ASIC2: variants seen among roughly 807,000 people sequenced by gnomAD.
ASIC2 encodes the protein acid-sensing ion channel 2.
ASIC2 carries 25 observed loss-of-function variants against 57.3 expected under a neutral mutation model. That is an observed-to-expected ratio of 0.44 (90% CI 0.32 to 0.61). The LOEUF (loss-of-function observed/expected upper bound fraction) is 0.61, where lower values mean the gene tolerates loss of function less well. Ranked by LOEUF, ASIC2 falls within the 20% of genes least tolerant of loss-of-function variation. ASIC2 has a pLI of 0.06. For missense variants in ASIC2, 641 were observed against 738.1 expected, an observed-to-expected ratio of 0.87 and a Z score of 1.52; for synonymous variants, 319 against 307.5, an observed-to-expected ratio of 1.04 and a Z score of -0.39.
chr17:33,201,153 A>T (rs1036276564), intron 1 of ASIC2, among the ~76,000 whole-genome samples: 3 of 151,972 alleles, frequency 2.0e-5, no homozygotes, highest in African/African-American at 7.3e-5. Context: ...TGTATGTTTT[A>T]CTTATGTATC....
intron 1 of ASIC2, among the ~76,000 whole-genome samples, chr17:33,249,038 G>C (rs1251538928): frequency 2.6e-5 from 4 of 152,188 alleles, no homozygotes; most frequent in African/African-American, 9.7e-5. Context: ...GTTTAGATGG[G>C]ATGGGAACAG....
At chr17:33,928,672 G>A (rs1915872293) in intron 1 of ASIC2, among the ~76,000 whole-genome samples, 1 of 152,140 alleles carries the variant, frequency 6.6e-6, no homozygotes, top group South Asian at 2.1e-4. Context: ...GTACATGGGG[G>A]TGAGCTGGGC....
At chr17:33,966,786 T>G (rs1884136353) in intron 1 of ASIC2, among the ~76,000 whole-genome samples, 1 of 152,256 alleles carries the variant, frequency 6.6e-6, no homozygotes, top group South Asian at 2.1e-4. Context: ...TTGCTAATTT[T>G]ATACAGAGTT....
intron 1 of ASIC2, among the ~76,000 whole-genome samples, chr17:33,522,149 C>T (rs8064308): frequency 0.82 from 125,306 of 152,174 alleles, 51,668 homozygotes; most frequent in African/African-American, 0.84. Context: ...CTTCCTGTCA[C>T]TGCTGTCCCT....
chr17:33,658,929 G>T (rs1907161496), intron 1 of ASIC2, among the ~76,000 whole-genome samples: 1 of 152,134 alleles, frequency 6.6e-6, no homozygotes, highest in African/African-American at 2.4e-5. Flanking sequence ...CTTGAACCTG[G>T]GAGGCGGAGG....
intron 1 of ASIC2, among the ~76,000 whole-genome samples, chr17:33,602,525 G>A (rs1178286267): frequency 6.6e-6 from 1 of 152,074 alleles, no homozygotes; most frequent in East Asian, 1.9e-4. Context: ...CCAGCTTCTG[G>A]AACCATCAGC....
intron 1 of ASIC2, among the ~76,000 whole-genome samples, chr17:33,837,520 A>G (rs908411239): frequency 1.3e-5 from 2 of 152,160 alleles, no homozygotes; most frequent in African/African-American, 4.8e-5. Context: ...TATCCCATAA[A>G]TGTTCTCCTA....
At chr17:34,003,855 C>G (rs1041469447) in intron 1 of ASIC2, 4 of 152,186 alleles carry the variant, frequency 2.6e-5, no homozygotes, top group Non-Finnish European at 5.9e-5. Context: ...GATATTGGCT[C>G]TAAAGACTGT....
At chr17:33,492,476 C>G (rs1348486741) in intron 1 of ASIC2, among the ~76,000 whole-genome samples, 5 of 152,248 alleles carry the variant, frequency 3.3e-5, no homozygotes, top group African/African-American at 9.6e-5. Flanking sequence ...CTGGGGAAGG[C>G]TGTCCTTCAG....
chr17:33,578,383 C>T (rs1916710221), intron 1 of ASIC2, among the ~76,000 whole-genome samples: 1 of 152,172 alleles, frequency 6.6e-6, no homozygotes, highest in Non-Finnish European at 1.5e-5. Context: ...ACACGTTAAA[C>T]CAGATGATTT....
intron 1 of ASIC2, among the ~76,000 whole-genome samples, chr17:34,152,064 T>C (rs1904549345): frequency 6.6e-6 from 1 of 152,126 alleles, no homozygotes. Flanking sequence ...TATGGACCCA[T>C]TTGGCCTTGT....
In ASIC2 at chr17:33,801,251, GGAA is replaced by G. The variant is rs528853873; in HGVS notation, c.555+354724_555+354726del. Among the ~76,000 whole-genome samples, 25 of 152,312 alleles carry G rather than the reference GGAA, an allele frequency of 1.6e-4. No individual in the cohort carries two copies. The South Asian group carries it at 2.5e-3, about 15-fold the overall frequency. On this transcript the variant is annotated intron_variant, in intron 1 of 9. Coordinates refer to the ASIC2 transcript ENST00000359872. ...GAGGGTTCATCGTGTGATGGTAGGA[GGAA>G]GAAGTCGCCATCAAGTGAGAAAACA...
intron 1 of ASIC2, among the ~76,000 whole-genome samples, chr17:33,768,210 G>T (rs1910992056): frequency 1.3e-5 from 2 of 151,994 alleles, no homozygotes; most frequent in Admixed American, 6.6e-5. Context: ...ATTAGAGATG[G>T]GGTTTCACCG....
intron 1 of ASIC2, among the ~76,000 whole-genome samples, chr17:33,713,822 C>T (rs2142078306): frequency 6.6e-6 from 1 of 152,358 alleles, no homozygotes; most frequent in Non-Finnish European, 1.5e-5. Context: ...CTGTAATCCC[C>T]TGGGATCTGG....
intron 2 of ASIC2, among the ~76,000 whole-genome samples, chr17:33,111,172 T>TG (rs1391311735): frequency 6.6e-6 from 1 of 152,204 alleles, no homozygotes; most frequent in Non-Finnish European, 1.5e-5. Flanking sequence ...CAGGCCCATC[T>TG]GGATGATCCA....
chr17:33,571,671 A>C (rs1916449623), intron 1 of ASIC2, among the ~76,000 whole-genome samples: 1 of 152,232 alleles, frequency 6.6e-6, no homozygotes, highest in South Asian at 2.1e-4. Context: ...AGAGTCTTCT[A>C]TATGCCCTGA....
chr17:33,261,480 C>T (rs991560271), intron 1 of ASIC2, among the ~76,000 whole-genome samples: 6 of 152,148 alleles, frequency 3.9e-5, no homozygotes, highest in Admixed American at 1.3e-4. Context: ...CCTCTGGTGA[C>T]CTGGAGAAAG....
At chr17:34,103,251 C>T (rs1301874200) in intron 1 of ASIC2, among the ~76,000 whole-genome samples, 3 of 152,070 alleles carry the variant, frequency 2.0e-5, no homozygotes, top group Non-Finnish European at 2.9e-5. Context: ...GCTTGAGCCA[C>T]GCTCCCACCT....
intron 1 of ASIC2, among the ~76,000 whole-genome samples, chr17:33,269,456 G>A (rs1209006495): frequency 6.6e-6 from 1 of 152,152 alleles, no homozygotes; most frequent in Non-Finnish European, 1.5e-5. Flanking sequence ...CTCTCTTGGG[G>A]CTTCAGGTGA....
Sources: gnomAD v4.1 joint callset for allele counts (sites outside exome capture counted in the v4.1 genomes callset) on GRCh38, gnomAD v4.1.1 for gene constraint, MANE v1.5 for transcripts, NCBI Gene and HGNC (gene_info 2026-07-23, HGNC 2026-07-21) for gene names.